OGFOD1: variants seen among roughly 807,000 people sequenced by gnomAD.
OGFOD1 encodes the protein prolyl 3-hydroxylase OGFOD1.
Under a neutral mutation model 67.7 loss-of-function variants are expected in OGFOD1, and 54 were observed. That is an observed-to-expected ratio of 0.80 (90% confidence interval 0.64 to 1.00). The LOEUF (loss-of-function observed/expected upper bound fraction) is 1.00. OGFOD1 is among the 50% of genes least tolerant of loss of function. The pLI, the probability that OGFOD1 is intolerant of heterozygous loss-of-function variation, is 0.00. For missense variants in OGFOD1, 606 were observed against 646.7 expected (o/e 0.94, Z 0.68); for synonymous variants, 221 against 227.0 (o/e 0.97, Z 0.24).
Position 56,470,140 on chromosome 16 carries a change from A to G in OGFOD1, c.980+58A>G, listed in dbSNP as rs764011561. ...CATTCAGCACCTATAACATTTTTTT[A>G]TAACTAGTAAAATGACAAAAAGCCT... On this transcript the variant is annotated intron_variant, in intron 9 of 12. Coordinates refer to ENST00000566157, the MANE Select transcript of OGFOD1 (RefSeq NM_018233.4). The G allele has an allele frequency of 2.1e-5, 30 of 1,451,590 alleles. No individual in the cohort carries two copies. In the South Asian group the frequency reaches 2.6e-4, roughly 12 times the overall value. The allele number at this position is 1,451,590 out of a possible 1,614,324, so 89.9% of individuals were successfully genotyped here.
chr16:56,460,171 A>G (rs780690184), intron 3 of OGFOD1, among the ~76,000 whole-genome samples: 3 of 152,248 alleles, frequency 2.0e-5, no homozygotes, highest in Non-Finnish European at 2.9e-5. Flanking sequence ...CTTAGTTCAC[A>G]ACACCACTCT....
At chr16:56,463,384 G>GTTTTTTTTTT (rs56388148) in intron 4 of OGFOD1, among the ~76,000 whole-genome samples, 61 of 43,814 alleles carry the variant, frequency 1.4e-3, no homozygotes, top group Non-Finnish European at 1.6e-3. Context: ...TCTTTTTTGG[G>GTTTTTTTTTT]TTTTTTTTTT....
chr16:56,470,172 A>G, intron 9 of OGFOD1, 90 bp downstream of exon 9: 7 of 1,150,426 alleles, frequency 6.1e-6, no homozygotes, highest in Non-Finnish European at 6.4e-6. Context: ...GCCTAAAGGA[A>G]AAATAGACTG....
chr16:56,454,647 G>T (rs575002731), intron 2 of OGFOD1: 114 of 320,582 alleles, frequency 3.6e-4, no homozygotes, highest in African/African-American at 2.8e-3. Context: ...CTTCAAATTG[G>T]GGGGGGAAAA....
At chr16:56,467,327 G>A (rs779532388) in intron 7 of OGFOD1, 34 bp downstream of exon 7, 1 of 1,608,518 alleles carries the variant, frequency 6.2e-7, no homozygotes, top group Non-Finnish European at 8.5e-7. Context: ...TATCTTAGGA[G>A]CTATAGCATA....
intron 8 of OGFOD1, among the ~76,000 whole-genome samples, 152 bp from the exon 9 acceptor site, chr16:56,469,850 CA>C (rs751278368): frequency 0.087 from 4,612 of 53,288 alleles, 48 homozygotes; most frequent in East Asian, 0.22. Flanking sequence ...AACTCCATCT[CA>C]AAAAAAAAAA....
intron 1 of OGFOD1, 101 bp downstream of exon 1, chr16:56,451,867 G>A (rs1962350099): frequency 4.4e-6 from 6 of 1,373,246 alleles, no homozygotes; most frequent in African/African-American, 1.5e-5. Context: ...GGGCCGCAAG[G>A]GAAGAGGCTC....
intron 2 of OGFOD1, among the ~76,000 whole-genome samples, chr16:56,456,285 TC>T (rs1332211778): frequency 1.3e-5 from 2 of 152,210 alleles, no homozygotes; most frequent in African/African-American, 4.8e-5. Flanking sequence ...GTTTTCCTCT[TC>T]CACCTGACTT....
Position 56,477,394 on chromosome 16 carries a change from A to G in OGFOD1, c.*1189A>G, listed in dbSNP as rs1596996423. On this transcript the variant is annotated 3_prime_UTR_variant, in exon 13 of 13. Coordinates refer to ENST00000566157, the MANE Select transcript of OGFOD1 (RefSeq NM_018233.4). ...GCCCCAAGAAACTTCTGGTTGGTAA[A>G]GAAGATAGGCTGCTTATTGCCATGT... 1 of 152,252 alleles carries G rather than the reference A, an allele frequency of 6.6e-6. No individual in the cohort carries two copies. Among genetic ancestry groups the G allele is most frequent in the Non-Finnish European group, 1.5e-5 (1 of 68,078 alleles). The allele number at this position is 152,252 out of a possible 1,614,324, so 9.4% of individuals were successfully genotyped here. A position where few individuals can be genotyped will look rare whatever the true frequency, so the allele number is the denominator to read the frequency against.
Position 56,467,263 on chromosome 16 carries a change from C to G in OGFOD1, c.756C>G (p.Pro252=). 1 of 1,614,128 alleles carries G rather than the reference C, an allele frequency of 6.2e-7. No homozygotes were observed. The highest frequency in any genetic ancestry group is 8.5e-7 in the Non-Finnish European group (1 of 1,180,016). ...LTRPPNYFEP[P]IPRSPHIPQD... Reference sequence around the variant, plus strand: ...GGCCTCCCAACTACTTTGAACCCCCCATACCTCGGAGCCCTCACATCCCAC... The same window carrying G: ...GGCCTCCCAACTACTTTGAACCCCCGATACCTCGGAGCCCTCACATCCCAC... The change falls in exon 7 of 13, where the codon CCC becomes CCG. Residue 252 remains proline (P), a synonymous_variant. Transcript: ENST00000566157.
intron 1 of OGFOD1, chr16:56,452,105 C>A: frequency 4.5e-6 from 1 of 222,386 alleles, no homozygotes. Flanking sequence ...CCTTATTAAA[C>A]TTCAGTTGCT....
rs778005442 is a variant in OGFOD1 at position 56,476,069 on chromosome 16, A to G, written c.1493A>G (p.Asn498Ser). ...EELLTVNPESNSLALVYRDRE... is the reference protein window; with the variant it reads ...EELLTVNPESSSLALVYRDRE... The stretch of plus-strand genomic sequence containing the variant: ...CTGCTAACAGTGAATCCAGAAAGCA[A>G]TTCTTTGGCATTGGTCTACAGAGAC... The change falls in exon 13 of 13, where the codon AAT (asparagine) becomes AGT (serine). Residue 498 changes from asparagine (N) to serine (S), a missense_variant. By Grantham distance (46) the Asn-to-Ser change is conservative. Coordinates refer to ENST00000566157, the MANE Select transcript of OGFOD1 (RefSeq NM_018233.4). The G allele has an allele frequency of 3.7e-6, 6 of 1,613,168 alleles. No homozygotes were observed. The highest frequency in any genetic ancestry group is 4.2e-6 in the Non-Finnish European group (5 of 1,179,720).
chr16:56,476,077 G>C lies in OGFOD1; in HGVS notation c.1501G>C (p.Ala501Pro). 6.2e-7 allele frequency: 1 copy of C among 1,613,206 alleles called. No individual in the cohort carries two copies. Among genetic ancestry groups the C allele is most frequent in the Non-Finnish European group, 8.5e-7 (1 of 1,179,712 alleles). The change falls in exon 13 of 13, where the codon GCA (alanine) becomes CCA (proline). Residue 501 changes from alanine (A) to proline (P), a missense_variant. Transcript: ENST00000566157. ...AGTGAATCCAGAAAGCAATTCTTTG[G>C]CATTGGTCTACAGAGACAGAGAGAC... is the stretch of plus-strand genomic sequence containing the variant. ...LTVNPESNSLALVYRDRETLK... is the reference protein window; with the variant it reads ...LTVNPESNSLPLVYRDRETLK...
chr16:56,472,220 T>C (rs1963230561), intron 10 of OGFOD1, among the ~76,000 whole-genome samples: 1 of 152,084 alleles, frequency 6.6e-6, no homozygotes, highest in Non-Finnish European at 1.5e-5. Flanking sequence ...TCCTCCTACC[T>C]TGTCCTCCCA....
At chr16:56,457,891 GCTGGT>G (rs1399561842) in intron 2 of OGFOD1, among the ~76,000 whole-genome samples, 3 of 152,120 alleles carry the variant, frequency 2.0e-5, no homozygotes, top group African/African-American at 7.2e-5. Flanking sequence ...CGTTGGTCAG[GCTGGT>G]CTCGAACTCC....
At chr16:56,463,771 C>A (rs1962808265) in intron 4 of OGFOD1, among the ~76,000 whole-genome samples, 1 of 150,988 alleles carries the variant, frequency 6.6e-6, no homozygotes, top group East Asian at 1.9e-4. Context: ...AGAAAAGTGG[C>A]AAGCATAGTA....
intron 3 of OGFOD1, 57 bp downstream of exon 3, chr16:56,458,651 G>T (rs1962609701): frequency 7.3e-7 from 1 of 1,366,954 alleles, no homozygotes; most frequent in African/African-American, 1.4e-5. Context: ...AGTAGTAAGT[G>T]CTTTAAATGT....
intron 9 of OGFOD1, 129 bp from the exon 10 acceptor site, chr16:56,470,358 A>G (rs1156867018): frequency 1.0e-5 from 9 of 859,682 alleles, no homozygotes; most frequent in South Asian, 3.5e-5. Flanking sequence ...CACTATTGTA[A>G]TAACTTGTGC....
chr16:56,462,299 A>T lies in OGFOD1; in HGVS notation c.348-235A>T, dbSNP rs544837152. ...AAAACATGAACCATTAGAACAAAAAATAACAAATATAATGTAGGTAGAGAC... is the reference window on the plus strand; with the variant it reads ...AAAACATGAACCATTAGAACAAAAATTAACAAATATAATGTAGGTAGAGAC... On this transcript the variant is annotated intron_variant, in intron 3 of 12. Coordinates refer to ENST00000566157, the MANE Select transcript of OGFOD1 (RefSeq NM_018233.4). 2.0e-5 allele frequency among the ~76,000 whole-genome samples: 3 copies of T among 152,346 alleles called. 1 individual carries two copies. The East Asian group carries it at 5.8e-4, about 29-fold the overall frequency.
Sources: gnomAD v4.1 joint callset for allele counts (sites outside exome capture counted in the v4.1 genomes callset) on GRCh38, gnomAD v4.1.1 for gene constraint, MANE v1.5 for transcripts, NCBI Gene and HGNC (gene_info 2026-07-23, HGNC 2026-07-21) for gene names.